Variants in GDI2 observed in about 807,000 individuals in gnomAD.
GDI2 encodes the protein rab GDP dissociation inhibitor beta.
In GDI2, 22 loss-of-function variants were observed where a neutral mutation model predicts 54.2. That is an observed-to-expected ratio of 0.41 (90% CI 0.29 to 0.58). The LOEUF is 0.58. GDI2 is among the 20% of genes least tolerant of loss of function. GDI2 has a pLI of 0.35. For missense variants in GDI2, 422 were observed against 546.0 expected (o/e 0.77, Z 2.26); for synonymous variants, 177 against 182.1 (o/e 0.97, Z 0.23).
intron 1 of GDI2, among the ~76,000 whole-genome samples, chr10:5,811,108 A>G (rs1472923732): frequency 2.0e-5 from 3 of 152,212 alleles, no homozygotes; most frequent in Admixed American, 1.3e-4. Context: ...ATTTTTAATC[A>G]TCTAATTCCT....
At chr10:5,783,552 G>T (rs1840807934) in intron 6 of GDI2, among the ~76,000 whole-genome samples, 1 of 152,164 alleles carries the variant, frequency 6.6e-6, no homozygotes, top group African/African-American at 2.4e-5. Flanking sequence ...TAGGTCCTGT[G>T]TGATTTATGC....
intron 4 of GDI2, 111 bp from the exon 5 acceptor site, chr10:5,786,161 T>C (rs889528978): frequency 1.8e-6 from 1 of 569,790 alleles, no homozygotes; most frequent in Non-Finnish European, 3.0e-6. Flanking sequence ...GAATGCAGGA[T>C]GCAATTTTTT....
In GDI2 at chr10:5,766,725, G is replaced by A. The variant is rs1274001952; in HGVS notation, c.992-87C>T. ...AGGTATCACCCATATGTCATGAGGT[G>A]TGAGTTAAAATTACTCTCAATAGGC... On this transcript the variant is annotated intron_variant, in intron 8 of 10. Coordinates refer to ENST00000380191, the MANE Select transcript of GDI2 (RefSeq NM_001494.4). The surrounding 1 kb of genome is among the most constrained non-coding windows in gnomAD (Gnocchi z 5.8). The A allele has an allele frequency of 2.8e-6, 3 of 1,082,378 alleles. No homozygotes were observed. Among genetic ancestry groups the A allele is most frequent in the East Asian group, 2.4e-5 (1 of 42,182 alleles). 67.0% of individuals were successfully genotyped at this position (1,082,378 alleles called of 1,614,324 possible).
chr10:5,805,344 G>A lies in GDI2; in HGVS notation c.46-4639C>T, dbSNP rs115047338. 5.2e-3 allele frequency among the ~76,000 whole-genome samples: 763 copies of A among 145,404 alleles called. 8 individuals carry two copies. Among genetic ancestry groups the A allele is most frequent in the African/African-American group, 0.019 (732 of 38,924 alleles). On this transcript the variant is annotated intron_variant, in intron 1 of 10. Transcript: ENST00000380191. The stretch of plus-strand genomic sequence containing the variant: ...TTCTGAGTTAGTAGGTCTGAGGTTG[G>A]ATCTGAGAATTTGCTCTTTAAAAAA...
chr10:5,767,335 A>T (rs1458340032), intron 8 of GDI2, among the ~76,000 whole-genome samples: 2 of 150,182 alleles, frequency 1.3e-5, no homozygotes, highest in African/African-American at 4.9e-5. Context: ...TTTGTGTTTT[A>T]ACAGTCTGGC....
chr10:5,812,937 C>G lies in GDI2; in HGVS notation c.45+277G>C, dbSNP rs571634249. On this transcript the variant is annotated intron_variant, in intron 1 of 10. Coordinates refer to ENST00000380191, the MANE Select transcript of GDI2 (RefSeq NM_001494.4). ...CCCTCCCCTCCGCTTCCGCTGGGGG[C>G]AAGCGCAGAGGCCGGGCTCGGCCGT... Among the ~76,000 whole-genome samples, 4 of 152,346 alleles carry G rather than the reference C, an allele frequency of 2.6e-5. No individual in the cohort carries two copies. In the East Asian group the frequency reaches 7.7e-4, roughly 29 times the overall value.
intron 1 of GDI2, among the ~76,000 whole-genome samples, chr10:5,809,592 A>AC (rs1363720872): frequency 2.8e-4 from 43 of 152,166 alleles, no homozygotes; most frequent in Non-Finnish European, 3.1e-4. Flanking sequence ...CTCTTAGGGG[A>AC]CTTAATGCTT....
chr10:5,803,650 C>T (rs559680118), intron 1 of GDI2, among the ~76,000 whole-genome samples: 7 of 152,044 alleles, frequency 4.6e-5, no homozygotes, highest in African/African-American at 1.7e-4. Context: ...GCATATAGGA[C>T]AACCACCAAT....
At chr10:5,771,848 T>C (rs1170474679) in intron 7 of GDI2, among the ~76,000 whole-genome samples, 3 of 152,122 alleles carry the variant, frequency 2.0e-5, no homozygotes, top group Admixed American at 6.5e-5. Flanking sequence ...TCCCAGCACT[T>C]TGGGAGGCCG....
intron 1 of GDI2, chr10:5,811,864 CT>C: frequency 1.1e-6 from 1 of 877,886 alleles, no homozygotes; most frequent in Non-Finnish European, 1.6e-6. Context: ...GATTCTAATT[CT>C]TCACAAACCT....
At chr10:5,803,229 C>A (rs1340769072) in intron 1 of GDI2, among the ~76,000 whole-genome samples, 1 of 152,176 alleles carries the variant, frequency 6.6e-6, no homozygotes, top group Non-Finnish European at 1.5e-5. Flanking sequence ...GGAGACCAGT[C>A]TGGGCAACAG....
At chr10:5,808,216 T>G (rs1341255560) in intron 1 of GDI2, among the ~76,000 whole-genome samples, 1 of 151,956 alleles carries the variant, frequency 6.6e-6, no homozygotes, top group Admixed American at 6.6e-5. Context: ...TCCAGCTAAC[T>G]TGGGAAGCTG....
chr10:5,802,636 A>G (rs569626658), intron 1 of GDI2, among the ~76,000 whole-genome samples: 1 of 152,042 alleles, frequency 6.6e-6, no homozygotes, highest in South Asian at 2.1e-4. Context: ...TACAACTACC[A>G]CCATGGGCAC....
At position 5,771,016 on chromosome 10, in the gene GDI2, C is replaced by CAAA. The variant is rs35350509; in HGVS notation, c.820-2635_820-2633dup. 1.6e-3 allele frequency among the ~76,000 whole-genome samples: 182 copies of CAAA among 113,580 alleles called. 3 individuals carry two copies. In the East Asian group the frequency reaches 0.031, roughly 19 times the overall value. 74.5% of individuals were successfully genotyped at this position (113,580 alleles called of 152,430 possible). A position where few individuals can be genotyped will look rare whatever the true frequency, so the allele number is the denominator to read the frequency against. ...GGTAAATTTTATGGGTACTTTATCACAAAAAAAAAAAATGGAGGGAAAAAG... is the reference window on the plus strand; with the variant it reads ...GGTAAATTTTATGGGTACTTTATCACAAAAAAAAAAAAAAATGGAGGGAAAAAG... On this transcript the variant is annotated intron_variant, in intron 7 of 10. Coordinates refer to ENST00000380191, the MANE Select transcript of GDI2 (RefSeq NM_001494.4).
Position 5,775,830 on chromosome 10 carries a change from C to T in GDI2, c.720-1889G>A, listed in dbSNP as rs1303302836. On this transcript the variant is annotated intron_variant, in intron 6 of 10. Transcript: ENST00000380191. ...AAGCAGAGGCCACTTGCGCGTGTGACGTCATGGCACCGTGCGTGGCAGCAG... is the reference window on the plus strand; with the variant it reads ...AAGCAGAGGCCACTTGCGCGTGTGATGTCATGGCACCGTGCGTGGCAGCAG... Among the ~76,000 whole-genome samples, 4 of 152,206 alleles carry T rather than the reference C, an allele frequency of 2.6e-5. No homozygotes were observed. In the East Asian group the frequency reaches 5.8e-4, roughly 22 times the overall value.
In GDI2 at chr10:5,796,874, G is replaced by A. The variant is rs1224313165; in HGVS notation, c.154-12C>T. On this transcript the variant is annotated splice_polypyrimidine_tract_variant and intron_variant, in intron 2 of 10. Transcript: ENST00000380191. ...AATCTTTTGTATAACTAAAAGCAAGGAAAAACATAGCCATAATGTTAACAA... is the reference window on the plus strand; with the variant it reads ...AATCTTTTGTATAACTAAAAGCAAGAAAAAACATAGCCATAATGTTAACAA... The A allele has an allele frequency of 8.0e-7, 1 of 1,242,908 alleles. No individual in the cohort carries two copies. The highest frequency in any genetic ancestry group is 1.7e-5 in the Admixed American group (1 of 58,086). The allele number at this position is 1,242,908 out of a possible 1,614,324, so 77.0% of individuals were successfully genotyped here.
At chr10:5,784,723 T>G (rs1840834895) in intron 6 of GDI2, among the ~76,000 whole-genome samples, 1 of 152,226 alleles carries the variant, frequency 6.6e-6, no homozygotes, top group South Asian at 2.1e-4. Context: ...CCAGTGGAGA[T>G]AATCAGGCTC....
intron 2 of GDI2, among the ~76,000 whole-genome samples, chr10:5,797,369 AC>A (rs1227049609): frequency 6.6e-6 from 1 of 151,978 alleles, no homozygotes; most frequent in African/African-American, 2.4e-5. Flanking sequence ...AGATGGTGAA[AC>A]CCCATCTCTA....
rs1268605496 is a variant in GDI2, at chr10:5,765,553, C to T, written c.*453G>A. 6.5e-6 allele frequency: 1 copy of T among 152,842 alleles called. No homozygotes were observed. Among genetic ancestry groups the T allele is most frequent in the Admixed American group, 6.5e-5 (1 of 15,268 alleles). 9.5% of individuals were successfully genotyped at this position (152,842 alleles called of 1,614,324 possible). ...CCCTGCCATAACATTTGACATAATA[C>T]AAAATATAAAGTCATAGGGAAAACT... is the stretch of plus-strand genomic sequence containing the variant. On this transcript the variant is annotated 3_prime_UTR_variant, in exon 11 of 11. Coordinates refer to ENST00000380191, the MANE Select transcript of GDI2 (RefSeq NM_001494.4).
Sources: allele counts gnomAD v4.1 joint callset (sites outside exome capture counted in the v4.1 genomes callset), GRCh38; gene constraint gnomAD v4.1.1; non-coding constraint Gnocchi (gnomAD v3.1); transcripts MANE v1.5; gene names NCBI Gene and HGNC (gene_info 2026-07-23, HGNC 2026-07-21).